TRIM66: variants seen among roughly 807,000 people sequenced by gnomAD.
TRIM66 encodes the protein tripartite motif containing 66, also known as tripartite motif-containing protein 66.
TRIM66 carries 99 observed loss-of-function variants against 148.2 expected under a neutral mutation model. The ratio of observed to expected loss-of-function variants is 0.67; its 90% CI spans 0.57 to 0.79. The LOEUF (loss-of-function observed/expected upper bound fraction) is 0.79. Among genes scored for constraint, TRIM66 ranks in the 30% least tolerant of loss-of-function variants. The probability of loss-of-function intolerance (pLI) is 0.00; values close to 1 mark genes in which losing one functional copy is unlikely to be tolerated. For missense variants in TRIM66, 1,666 were observed against 1,697.9 expected (o/e 0.98, Z 0.33); for synonymous variants, 616 against 635.9 (o/e 0.97, Z 0.47).
rs1223019808 is a variant in TRIM66, at chr11:8,638,681, C to T, written c.2283G>A (p.Gln761=). ...TTCTCACCACATTTGGAGAGGAGTG[C>T]TGGATGGTGCTGTCCACTGGGGGGA... ...LSVPPVDSTI[Q]HSSPNVVRKH... Residue 761 remains glutamine (Q), a synonymous_variant, in exon 15 of 25, where the codon CAG becomes CAA. Transcript: ENST00000646038. The T allele has an allele frequency of 1.3e-6, 2 of 1,548,836 alleles. No homozygotes were observed. The highest frequency in any genetic ancestry group is 1.7e-6 in the Non-Finnish European group (2 of 1,146,124).
At chr11:8,682,409 G>A (rs929702848) in intron 1 of TRIM66, 192 bp downstream of exon 1, 14 of 240,060 alleles carry the variant, frequency 5.8e-5, no homozygotes, top group African/African-American at 1.2e-4. Context: ...AGGTGCGCGG[G>A]GCGGCTCAGG....
chr11:8,614,131 A>G lies in TRIM66; in HGVS notation c.*3813T>C, dbSNP rs1045979511. On this transcript the variant is annotated 3_prime_UTR_variant, in exon 25 of 25. Coordinates refer to ENST00000646038, the MANE Select transcript of TRIM66 (RefSeq NM_001388022.1). ...GGGAAGCAGACTGCTTGAGCCCAGG[A>G]GTGTTGATACCAGCTTGAGCAACAT... 6.6e-6 allele frequency: 1 copy of G among 152,382 alleles called. No individual in the cohort carries two copies. Among genetic ancestry groups the G allele is most frequent in the African/African-American group, 2.4e-5 (1 of 41,428 alleles). The allele number at this position is 152,382 out of a possible 1,614,324, so 9.4% of individuals were successfully genotyped here. A position where few individuals can be genotyped will look rare whatever the true frequency, so the allele number is the denominator to read the frequency against.
At position 8,618,895 on chromosome 11, in the gene TRIM66, G is replaced by C; in HGVS notation, c.3974C>G (p.Pro1325Arg). ...FFEGWLKEIY[P>R]EKRFAQPRQE... ...CCTTGGCTGGGCAAACCGTTTCTCC[G>C]GGTAGATCTCCTTCAACCAGCCCTC... Residue 1325 changes from proline (P) to arginine (R), a missense_variant, in exon 24 of 25, where the codon CCG becomes CGG. Pro to Arg is a moderately radical substitution (Grantham distance 103, BLOSUM62 -2). Transcript: ENST00000646038. The C allele has an allele frequency of 6.4e-7, 1 of 1,551,298 alleles. No individual in the cohort carries two copies. Among genetic ancestry groups the C allele is most frequent in the Non-Finnish European group, 8.7e-7 (1 of 1,146,942 alleles).
chr11:8,620,227 T>C (rs1171950942), intron 21 of TRIM66, 103 bp from the exon 22 acceptor site: 1 of 1,309,832 alleles, frequency 7.6e-7, no homozygotes, highest in Non-Finnish European at 1.1e-6. Flanking sequence ...TCCCACAGGA[T>C]GCCAGCTGCC....
At chr11:8,675,847 TCCTGC>T (rs1164655440) in intron 3 of TRIM66, among the ~76,000 whole-genome samples, 1 of 152,134 alleles carries the variant, frequency 6.6e-6, no homozygotes, top group Non-Finnish European at 1.5e-5. Context: ...CAAGCGATTC[TCCTGC>T]CTCAGCCTCT....
At chr11:8,632,602 T>C (rs2141991428) in intron 15 of TRIM66, among the ~76,000 whole-genome samples, 1 of 151,956 alleles carries the variant, frequency 6.6e-6, no homozygotes, top group South Asian at 2.1e-4. Context: ...GGATTATAGG[T>C]GTCCACCACC....
chr11:8,619,309 TCCCA>T, intron 23 of TRIM66, 70 bp downstream of exon 23: 1 of 1,413,474 alleles, frequency 7.1e-7, no homozygotes, highest in Non-Finnish European at 9.4e-7. Context: ...AAACCTAACC[TCCCA>T]ACCCTACCCA....
intron 15 of TRIM66, among the ~76,000 whole-genome samples, chr11:8,632,279 A>G (rs1403652493): frequency 6.6e-6 from 1 of 151,956 alleles, no homozygotes; most frequent in Non-Finnish European, 1.5e-5. Context: ...CTGCACTCCA[A>G]CCTGGGTGGC....
rs913450307 is a variant in TRIM66, at chr11:8,622,769, G to T, written c.3080+47C>A. The T allele has an allele frequency of 2.6e-6, 4 of 1,514,270 alleles. No homozygotes were observed. In the African/African-American group the frequency reaches 4.2e-5, roughly 16 times the overall value. The allele number at this position is 1,514,270 out of a possible 1,614,324, so 93.8% of individuals were successfully genotyped here. On this transcript the variant is annotated intron_variant, in intron 18 of 24. Coordinates refer to ENST00000646038, the MANE Select transcript of TRIM66 (RefSeq NM_001388022.1). ...GCTTCATCCCTGTGCCAGCATCTCAGGACGTGAAGTCATGGGTGGGAGGGA... is the reference window on the plus strand; with the variant it reads ...GCTTCATCCCTGTGCCAGCATCTCATGACGTGAAGTCATGGGTGGGAGGGA...
In TRIM66 at chr11:8,615,913, AGT is replaced by A. The variant is rs2033690955; in HGVS notation, c.*2029_*2030del. Reference sequence around the variant, plus strand: ...AGTTGCCCAACACCAAGTACAACAAAGTTCACAGGATGGTGGGAATGTGGGCT... The same window carrying A: ...AGTTGCCCAACACCAAGTACAACAAATCACAGGATGGTGGGAATGTGGGCT... On this transcript the variant is annotated 3_prime_UTR_variant, in exon 25 of 25. Coordinates refer to ENST00000646038, the MANE Select transcript of TRIM66 (RefSeq NM_001388022.1). 1 of 152,294 alleles carries A rather than the reference AGT, an allele frequency of 6.6e-6. No individual in the cohort carries two copies. Among genetic ancestry groups the A allele is most frequent in the South Asian group, 2.1e-4 (1 of 4,832 alleles). The allele number at this position is 152,294 out of a possible 1,614,324, so 9.4% of individuals were successfully genotyped here.
At chr11:8,621,552 G>A in intron 19 of TRIM66, 93 bp downstream of exon 19, 1 of 1,430,480 alleles carries the variant, frequency 7.0e-7, no homozygotes, top group Non-Finnish European at 9.2e-7. Context: ...AGAGACTCAG[G>A]AAAGGTCCCA....
Position 8,649,903 on chromosome 11 carries a change from T to G in TRIM66, c.445-16A>C. 2 of 1,547,096 alleles carry G rather than the reference T, an allele frequency of 1.3e-6. No homozygotes were observed. Among genetic ancestry groups the G allele is most frequent in the African/African-American group, 1.4e-5 (1 of 73,058 alleles). ...CAGAGCAGTTCTGGAAGCAGAGAGTTCTGGAGTTACTGATGTTATCCTCAT... is the reference window on the plus strand; with the variant it reads ...CAGAGCAGTTCTGGAAGCAGAGAGTGCTGGAGTTACTGATGTTATCCTCAT... On this transcript the variant is annotated splice_polypyrimidine_tract_variant and intron_variant, in intron 7 of 24. Coordinates refer to ENST00000646038, the MANE Select transcript of TRIM66 (RefSeq NM_001388022.1).
chr11:8,647,933 G>A (rs201353148), intron 10 of TRIM66, 37 bp downstream of exon 10: 10 of 1,477,112 alleles, frequency 6.8e-6, no homozygotes, highest in Non-Finnish European at 9.3e-6. Context: ...CGGGAACAGA[G>A]CATTTCCAGC....
intron 15 of TRIM66, among the ~76,000 whole-genome samples, chr11:8,629,901 G>A (rs951201292): frequency 2.0e-5 from 3 of 152,208 alleles, no homozygotes; most frequent in Non-Finnish European, 4.4e-5. Context: ...CAGAGAAAGT[G>A]CTGTGAGAAA....
chr11:8,620,363 T>G, intron 21 of TRIM66, 83 bp downstream of exon 21: 2 of 1,521,866 alleles, frequency 1.3e-6, no homozygotes, highest in Non-Finnish European at 1.8e-6. Context: ...AAGCCCCTCA[T>G]CCCCTCTCAA....
intron 6 of TRIM66, among the ~76,000 whole-genome samples, chr11:8,671,315 G>A (rs1350272297): frequency 2.0e-5 from 3 of 152,202 alleles, no homozygotes; most frequent in Non-Finnish European, 4.4e-5. Context: ...CAGTGAGACC[G>A]TTTCCTAGGA....
At chr11:8,660,451 A>C (rs938161937) in intron 6 of TRIM66, among the ~76,000 whole-genome samples, 4 of 152,186 alleles carry the variant, frequency 2.6e-5, no homozygotes, top group African/African-American at 9.7e-5. Flanking sequence ...ACAGAACCTA[A>C]AACAGGGGTC....
At chr11:8,619,204 TC>T in intron 23 of TRIM66, 178 bp downstream of exon 23, 1 of 797,534 alleles carries the variant, frequency 1.3e-6, no homozygotes, top group Non-Finnish European at 1.9e-6. Flanking sequence ...TTTTCCTGAG[TC>T]CATGCTAAGG....
At chr11:8,657,560 C>T (rs995209550) in intron 6 of TRIM66, among the ~76,000 whole-genome samples, 3 of 152,148 alleles carry the variant, frequency 2.0e-5, no homozygotes, top group Non-Finnish European at 2.9e-5. Context: ...ACCTCTGTAG[C>T]CACAGGTAAG....
Sources: allele counts gnomAD v4.1 joint callset (sites outside exome capture counted in the v4.1 genomes callset), GRCh38; gene constraint gnomAD v4.1.1; transcripts MANE v1.5; gene names NCBI Gene and HGNC (gene_info 2026-07-23, HGNC 2026-07-21).